NCAM1: variants seen among roughly 807,000 people sequenced by gnomAD.
NCAM1 encodes the protein neural cell adhesion molecule 1.
Under a neutral mutation model 109.8 loss-of-function variants are expected in NCAM1, and 14 were observed. The ratio of observed to expected loss-of-function variants is 0.13; its 90% CI spans 0.08 to 0.20. The LOEUF is 0.20. NCAM1 is among the 10% of genes least tolerant of loss of function. The pLI, the probability that NCAM1 is intolerant of heterozygous loss-of-function variation, is 1.00. For missense variants in NCAM1, 774 were observed against 1,109.9 expected, an observed-to-expected ratio of 0.70 and a Z score of 4.30; for synonymous variants, 418 against 442.9, an observed-to-expected ratio of 0.94 and a Z score of 0.70.
intron 9 of NCAM1, among the ~76,000 whole-genome samples, chr11:113,222,548 C>A (rs1218818871): frequency 1.3e-5 from 2 of 152,200 alleles, no homozygotes; most frequent in South Asian, 4.1e-4. Flanking sequence ...GCACAGGAAT[C>A]ACTTAGTGCT....
rs571365542 is a variant in NCAM1 at position 113,172,174 on chromosome 11, A to G, written c.53-30205A>G. 2.0e-5 allele frequency among the ~76,000 whole-genome samples: 3 copies of G among 152,362 alleles called. No individual in the cohort carries two copies. The East Asian group carries it at 5.8e-4, about 29-fold the overall frequency. On this transcript the variant is annotated intron_variant, in intron 1 of 19. Coordinates refer to ENST00000316851, the MANE Select transcript of NCAM1 (RefSeq NM_181351.5). ...AGACCAGTTTGTTTCAGCCAGCCCT[A>G]GAAAACTAACATAGTACATCTCATC...
intron 14 of NCAM1, chr11:113,243,067 A>G (rs1216023105): frequency 3.7e-6 from 3 of 821,028 alleles, no homozygotes; most frequent in Non-Finnish European, 4.4e-6. Flanking sequence ...TATTGGAAGA[A>G]TACTCCGTGC....
intron 1 of NCAM1, among the ~76,000 whole-genome samples, chr11:113,188,810 G>A (rs1317997590): frequency 2.0e-5 from 3 of 151,748 alleles, no homozygotes; most frequent in African/African-American, 4.9e-5. Context: ...GGTGAGGAAG[G>A]TGGTGTGTGT....
chr11:113,106,763 G>A (rs1321748886), intron 1 of NCAM1, among the ~76,000 whole-genome samples: 1 of 152,150 alleles, frequency 6.6e-6, no homozygotes, highest in Non-Finnish European at 1.5e-5. Flanking sequence ...TCAGAAGATT[G>A]CTATTTCTGC....
At chr11:112,998,810 T>A (rs1951667305) in intron 1 of NCAM1, among the ~76,000 whole-genome samples, 1 of 152,194 alleles carries the variant, frequency 6.6e-6, no homozygotes, top group African/African-American at 2.4e-5. Flanking sequence ...TACTTTCTCA[T>A]CCAGAACATT....
chr11:112,996,512 C>G (rs1188529562), intron 1 of NCAM1, among the ~76,000 whole-genome samples: 2 of 152,138 alleles, frequency 1.3e-5, no homozygotes, highest in African/African-American at 4.8e-5. Context: ...TGTTTATTAT[C>G]ATAAACAGCA....
chr11:113,000,126 T>C (rs1706684787), intron 1 of NCAM1, among the ~76,000 whole-genome samples: 1 of 152,188 alleles, frequency 6.6e-6, no homozygotes, highest in South Asian at 2.1e-4. Context: ...TTACTTTACT[T>C]TTTAAACTTA....
chr11:113,078,298 G>A (rs1938622464), intron 1 of NCAM1, among the ~76,000 whole-genome samples: 1 of 151,962 alleles, frequency 6.6e-6, no homozygotes, highest in Non-Finnish European at 1.5e-5. Context: ...TTTTCTTTAA[G>A]GACACGAGTC....
intron 1 of NCAM1, among the ~76,000 whole-genome samples, chr11:113,092,009 A>C (rs557161352): frequency 6.6e-6 from 1 of 152,018 alleles, no homozygotes; most frequent in Admixed American, 6.6e-5. Context: ...ATATTGATAG[A>C]GAGGCAGCAA....
chr11:113,199,766 T>C (rs1943980047), intron 1 of NCAM1, among the ~76,000 whole-genome samples: 1 of 130,942 alleles, frequency 7.6e-6, no homozygotes, highest in African/African-American at 3.0e-5. Flanking sequence ...ACATGTACCC[T>C]AAAACTTAAA....
intron 17 of NCAM1, chr11:113,263,038 C>A (rs1946052667): frequency 6.7e-7 from 1 of 1,501,654 alleles, no homozygotes; most frequent in African/African-American, 1.4e-5. Context: ...GCTGAGCAAC[C>A]ATTCTGTGTG....
intron 1 of NCAM1, among the ~76,000 whole-genome samples, chr11:113,028,067 G>A (rs1555077705): frequency 2.0e-5 from 3 of 152,150 alleles, no homozygotes; most frequent in Non-Finnish European, 4.4e-5. Context: ...GGCAAGCTGG[G>A]AAAAGGTTGG....
intron 17 of NCAM1, chr11:113,265,112 T>C (rs1199885148): frequency 1.6e-5 from 16 of 985,308 alleles, no homozygotes; most frequent in Non-Finnish European, 1.9e-5. Flanking sequence ...CTAATAAGAA[T>C]GCTAACATTG....
intron 9 of NCAM1, among the ~76,000 whole-genome samples, chr11:113,224,356 A>C (rs1944774486): frequency 1.3e-5 from 2 of 152,250 alleles, no homozygotes; most frequent in Non-Finnish European, 2.9e-5. Context: ...GTCTGAGATC[A>C]AACTGCAAGG....
At chr11:113,015,041 C>G (rs1447584839) in intron 1 of NCAM1, among the ~76,000 whole-genome samples, 1 of 152,250 alleles carries the variant, frequency 6.6e-6, no homozygotes, top group South Asian at 2.1e-4. Flanking sequence ...TCTCCACCCC[C>G]TCACCATTTC....
At chr11:113,244,142 A>G (rs1233456854) in intron 14 of NCAM1, among the ~76,000 whole-genome samples, 1 of 152,042 alleles carries the variant, frequency 6.6e-6, no homozygotes, top group Non-Finnish European at 1.5e-5. Context: ...GTCCTTTTTC[A>G]ACCTGGTGCA....
intron 1 of NCAM1, among the ~76,000 whole-genome samples, chr11:113,098,365 G>A (rs1488885110): frequency 6.6e-6 from 1 of 152,196 alleles, no homozygotes; most frequent in Non-Finnish European, 1.5e-5. Context: ...CCTCCTGTAT[G>A]ATTGAATCAT....
At chr11:113,069,859 C>G (rs1235602307) in intron 1 of NCAM1, among the ~76,000 whole-genome samples, 1 of 152,090 alleles carries the variant, frequency 6.6e-6, no homozygotes, top group East Asian at 1.9e-4. Flanking sequence ...TACAGTGAGA[C>G]CACTGACTGA....
At chr11:113,205,955 A>G in intron 4 of NCAM1, 88 bp from the exon 5 acceptor site, 2 of 1,519,624 alleles carry the variant, frequency 1.3e-6, no homozygotes, top group Non-Finnish European at 1.8e-6. Context: ...ATGATACTGA[A>G]GTTAGGAAAA....
Sources: gnomAD v4.1 joint callset for allele counts (sites outside exome capture counted in the v4.1 genomes callset) on GRCh38, gnomAD v4.1.1 for gene constraint, MANE v1.5 for transcripts, NCBI Gene and HGNC (gene_info 2026-07-23, HGNC 2026-07-21) for gene names.